XRRA1: variants seen among roughly 807,000 people sequenced by gnomAD.
XRRA1 encodes X-ray radiation resistance-associated protein 1.
Under a neutral mutation model 80.2 loss-of-function variants are expected in XRRA1, and 69 were observed. The observed-to-expected ratio is 0.86, with a 90% CI of 0.71 to 1.05. The LOEUF is 1.05. Ranked by LOEUF, XRRA1 falls within the 50% of genes least tolerant of loss-of-function variation. The probability of loss-of-function intolerance (pLI) is 0.00; values close to 1 mark genes in which losing one functional copy is unlikely to be tolerated. For synonymous variants in XRRA1, 348 were observed against 389.9 expected (o/e 0.89, Z 1.27); for missense variants, 967 against 976.4 (o/e 0.99, Z 0.13).
intron 4 of XRRA1, among the ~76,000 whole-genome samples, chr11:74,934,601 A>G (rs1944473930): frequency 6.6e-6 from 1 of 152,248 alleles, no homozygotes; most frequent in Admixed American, 6.5e-5. Flanking sequence ...AGGAAGTAAT[A>G]TTTCAGAAAC....
rs372084835 is a variant in XRRA1, at chr11:74,870,545, G to A, written c.1004-7524C>T. On this transcript the variant is annotated intron_variant, in intron 10 of 18. Transcript: ENST00000684022. ...CATCAGCAAATGCCATAGTAACCAG[G>A]AATATAATGCAAAGGATTGCCATTT... 1.1e-4 allele frequency among the ~76,000 whole-genome samples: 17 copies of A among 152,268 alleles called. No individual in the cohort carries two copies. The East Asian group carries it at 3.1e-3, about 28-fold the overall frequency.
intron 5 of XRRA1, 80 bp downstream of exon 5, chr11:74,933,721 G>C (rs1276690531): frequency 7.5e-7 from 1 of 1,337,218 alleles, no homozygotes; most frequent in Admixed American, 2.0e-5. Context: ...CTCTGGAGGT[G>C]CAAGAGACAA....
intron 11 of XRRA1, among the ~76,000 whole-genome samples, chr11:74,860,837 T>C (rs2042157237): frequency 6.6e-6 from 1 of 152,180 alleles, no homozygotes; most frequent in African/African-American, 2.4e-5. Flanking sequence ...ACTCTTGGAA[T>C]TTTCTGAGTG....
chr11:74,886,149 G>C (rs1213215736), intron 10 of XRRA1, among the ~76,000 whole-genome samples: 1 of 152,100 alleles, frequency 6.6e-6, no homozygotes, highest in African/African-American at 2.4e-5. Context: ...TTGAGAACTG[G>C]AACAAGACAG....
At chr11:74,907,099 C>T (rs766206277) in intron 9 of XRRA1, 46 bp downstream of exon 9, 1 of 1,610,158 alleles carries the variant, frequency 6.2e-7, no homozygotes, top group African/African-American at 1.3e-5. Context: ...TGTGAGCAAG[C>T]CTGGGGATTA....
At chr11:74,903,724 A>G (rs1037702213) in intron 10 of XRRA1, among the ~76,000 whole-genome samples, 1 of 152,212 alleles carries the variant, frequency 6.6e-6, no homozygotes, top group African/African-American at 2.4e-5. Flanking sequence ...ATAAAAAGCC[A>G]ATAACTAGAT....
At chr11:74,941,232 AAATG>A (rs1219806368) in intron 2 of XRRA1, among the ~76,000 whole-genome samples, 1 of 152,196 alleles carries the variant, frequency 6.6e-6, no homozygotes, top group African/African-American at 2.4e-5. Flanking sequence ...CTCACCTGCA[AAATG>A]GGGGTTATAA....
At chr11:74,886,685 G>A (rs1441357386) in intron 10 of XRRA1, among the ~76,000 whole-genome samples, 3 of 151,954 alleles carry the variant, frequency 2.0e-5, no homozygotes, top group African/African-American at 7.3e-5. Flanking sequence ...AACTACCAAT[G>A]CCATTCTTCA....
chr11:74,940,119 T>C (rs1270669078), intron 3 of XRRA1, among the ~76,000 whole-genome samples: 2 of 152,192 alleles, frequency 1.3e-5, no homozygotes, highest in African/African-American at 4.8e-5. Context: ...TGCCCTACCC[T>C]TTCAAAGCAA....
rs906223237 is a variant in XRRA1 at position 74,887,136 on chromosome 11, A to G, written c.1003+19103T>C. Among the ~76,000 whole-genome samples, 4 of 152,234 alleles carry G rather than the reference A, an allele frequency of 2.6e-5. No individual in the cohort carries two copies. The South Asian group carries it at 8.3e-4, about 31-fold the overall frequency. ...TTCTGGAAGATAGATAGCCTAGGAAATACACTTCTGGACATAGGACTGGGC... is the reference window on the plus strand; with the variant it reads ...TTCTGGAAGATAGATAGCCTAGGAAGTACACTTCTGGACATAGGACTGGGC... On this transcript the variant is annotated intron_variant, in intron 10 of 18. Transcript: ENST00000684022.
chr11:74,929,784 TTCTC>T (rs1405931968), intron 6 of XRRA1, among the ~76,000 whole-genome samples: 2 of 152,220 alleles, frequency 1.3e-5, no homozygotes, highest in African/African-American at 2.4e-5. Flanking sequence ...TATTTCCTGA[TTCTC>T]TCTTTCACTG....
intron 8 of XRRA1, among the ~76,000 whole-genome samples, chr11:74,920,669 G>C (rs890172751): frequency 6.6e-6 from 1 of 152,120 alleles, no homozygotes; most frequent in Non-Finnish European, 1.5e-5. Flanking sequence ...TTGCAACTTT[G>C]GGCAAGTTAC....
chr11:74,906,707 G>A lies in XRRA1; in HGVS notation c.786-251C>T, dbSNP rs916878638. The stretch of plus-strand genomic sequence containing the variant: ...TATGTAAATGGCCTGGCACAAAGTA[G>A]TATTCAGTAAATGGTAGTTGAAACC... On this transcript the variant is annotated intron_variant, in intron 9 of 18. Coordinates refer to ENST00000684022, the MANE Select transcript of XRRA1 (RefSeq NM_001378157.1). 1.5e-5 allele frequency: 8 copies of A among 535,174 alleles called. No individual in the cohort carries two copies. In the South Asian group the frequency reaches 1.8e-4, roughly 12 times the overall value. 33.2% of individuals were successfully genotyped at this position (535,174 alleles called of 1,614,324 possible).
chr11:74,863,291 C>T (rs1269302260), intron 10 of XRRA1: 2 of 492,578 alleles, frequency 4.1e-6, no homozygotes, highest in South Asian at 2.3e-5. Context: ...CTTCTTCAGT[C>T]TCATTTCATG....
intron 2 of XRRA1, among the ~76,000 whole-genome samples, chr11:74,943,263 G>C (rs1306700249): frequency 2.6e-5 from 4 of 151,958 alleles, no homozygotes; most frequent in Admixed American, 2.6e-4. Flanking sequence ...CTGACTCTAG[G>C]GTATGACTCA....
chr11:74,891,699 A>C (rs1030583674), intron 10 of XRRA1, among the ~76,000 whole-genome samples: 1 of 152,204 alleles, frequency 6.6e-6, no homozygotes, highest in Non-Finnish European at 1.5e-5. Flanking sequence ...AGGCAACTTC[A>C]GCAAAGTCTC....
At chr11:74,937,105 T>A (rs1208111627) in intron 3 of XRRA1, 37 bp from the exon 4 acceptor site, 1 of 1,590,232 alleles carries the variant, frequency 6.3e-7, no homozygotes, top group East Asian at 2.2e-5. Context: ...AGGGGAAAAC[T>A]CCAAAGCTAC....
At chr11:74,876,549 G>C (rs2064584247) in intron 10 of XRRA1, 1 of 152,102 alleles carries the variant, frequency 6.6e-6, no homozygotes, top group Non-Finnish European at 1.5e-5. Context: ...AGGATATGTG[G>C]TATTAATAAA....
At chr11:74,944,082 A>G (rs955779684) in intron 2 of XRRA1, among the ~76,000 whole-genome samples, 3 of 152,136 alleles carry the variant, frequency 2.0e-5, no homozygotes, top group Admixed American at 2.0e-4. Context: ...TTGGCCTCCC[A>G]CTGGAAGGCC....
Sources: allele counts gnomAD v4.1 joint callset (sites outside exome capture counted in the v4.1 genomes callset), GRCh38; gene constraint gnomAD v4.1.1; transcripts MANE v1.5; gene names NCBI Gene and HGNC (gene_info 2026-07-23, HGNC 2026-07-21).